The following CFAP410 variants were observed in gnomAD, a reference collection of about 807,000 sequenced individuals.
CFAP410 encodes the protein cilia and flagella associated protein 410.
In CFAP410, 27 loss-of-function variants were observed where a neutral mutation model predicts 25.7. The ratio of observed to expected loss-of-function variants is 1.05; its 90% CI spans 0.77 to 1.45. The LOEUF is 1.45. CFAP410 is among the 40% of genes most tolerant of loss of function. CFAP410 has a pLI of 0.00. For missense variants in CFAP410, 428 were observed against 354.1 expected (o/e 1.21, Z -1.67); for synonymous variants, 178 against 158.4 (o/e 1.12, Z -0.93).
Position 44,333,016 on chromosome 21 carries a change from C to G in CFAP410, c.373+17G>C. On this transcript the variant is annotated intron_variant, in intron 4 of 6. Transcript: ENST00000339818. ...GATTGTTTTGGGAGGGCCGGTGACT[C>G]CGCTGCGGCCACCTACCCTGGTTGT... 1 of 1,539,146 alleles carries G rather than the reference C, an allele frequency of 6.5e-7. No homozygotes were observed.
In CFAP410 at chr21:44,329,388, T is replaced by C. The variant is rs1199094984; in HGVS notation, c.*810A>G. The C allele has an allele frequency of 1.3e-5, 2 of 152,104 alleles. No individual in the cohort carries two copies. The highest frequency in any genetic ancestry group is 4.8e-5 in the African/African-American group (2 of 41,386). 9.4% of individuals were successfully genotyped at this position (152,104 alleles called of 1,614,324 possible). ...CCATCTCACGTGAATGCTTCCTTGG[T>C]TTTGGGGGGCACTAGGAAGGTCCCC... On this transcript the variant is annotated 3_prime_UTR_variant, in exon 7 of 7. Transcript: ENST00000339818.
chr21:44,335,545 C>A, intron 3 of CFAP410: 1 of 596,326 alleles, frequency 1.7e-6, no homozygotes, highest in Non-Finnish European at 3.0e-6. Flanking sequence ...CATCAGGAGG[C>A]CCAGGTGAGG....
chr21:44,333,088 G>A lies in CFAP410; in HGVS notation c.318C>T (p.Arg106=). 6.2e-7 allele frequency: 1 copy of A among 1,609,852 alleles called. No individual in the cohort carries two copies. Among genetic ancestry groups the A allele is most frequent in the Non-Finnish European group, 8.5e-7 (1 of 1,178,526 alleles). Residue 106 remains arginine (R), a synonymous_variant, in exon 4 of 7, where the codon CGC becomes CGT. Transcript: ENST00000339818. The part of the protein sequence containing the change: ...ENPCCGTSPH[R]YRMTVLRTLP... ...GGGTGCGCAGCACGGTCATGCGGTA[G>A]CGGTGGGGGCTGGTGCCGCAGCACG... is the stretch of plus-strand genomic sequence containing the variant.
Position 44,337,748 on chromosome 21 carries a change from G to A in CFAP410, c.78-81C>T, listed in dbSNP as rs56242109. 263,073 of 1,160,832 alleles carry A rather than the reference G, an allele frequency of 0.23. 31,094 individuals are homozygous for A. The highest frequency in any genetic ancestry group is 0.36 in the South Asian group (28,451 of 78,346). The allele number at this position is 1,160,832 out of a possible 1,614,324, so 71.9% of individuals were successfully genotyped here. On this transcript the variant is annotated intron_variant, in intron 1 of 6. Transcript: ENST00000339818. ...GAAGACAAAAATTCCAAAAATCACC[G>A]ATGACTCCCTACAAACCTTAAGATT...
At chr21:44,335,588 C>T (rs1436815346) in intron 3 of CFAP410, 170 bp downstream of exon 3, 1 of 618,682 alleles carries the variant, frequency 1.6e-6, no homozygotes, top group East Asian at 2.8e-5. Flanking sequence ...ATGGGGGCCA[C>T]AGGGTAGGCC....
At chr21:44,331,276 C>T in intron 5 of CFAP410, 1 of 364,102 alleles carries the variant, frequency 2.7e-6, no homozygotes, top group South Asian at 4.4e-5. Flanking sequence ...TGGCAGATGC[C>T]TAACAGAGAT....
intron 2 of CFAP410, 101 bp downstream of exon 2, chr21:44,337,548 T>G: frequency 9.4e-7 from 1 of 1,063,608 alleles, no homozygotes; most frequent in Non-Finnish European, 1.4e-6. Context: ...GGTGCAGTTT[T>G]GTCAACTTAA....
chr21:44,339,155 C>T lies in CFAP410; in HGVS notation c.40G>A (p.Ala14Thr). The change falls in exon 1 of 7, where the codon GCC becomes ACC. Residue 14 changes from alanine to threonine, a missense_variant. Physicochemically the swap from Ala to Thr is moderately conservative, Grantham distance 58. Coordinates refer to ENST00000339818, the MANE Select transcript of CFAP410 (RefSeq NM_004928.3). ...TTGCGCACGCTGTGCAGCTCCGAGG[C>T]CTTGGCCCGGGTCAGAACCATCTTC... The part of the protein sequence containing the change: ...TRKMVLTRAK[A>T]SELHSVRKLN... 7 of 1,474,702 alleles carry T rather than the reference C, an allele frequency of 4.7e-6. No homozygotes were observed. Among genetic ancestry groups the T allele is most frequent in the Non-Finnish European group, 6.3e-6 (7 of 1,109,454 alleles). 91.4% of individuals were successfully genotyped at this position (1,474,702 alleles called of 1,614,324 possible). A position where few individuals can be genotyped will look rare whatever the true frequency, so the allele number is the denominator to read the frequency against.
At chr21:44,339,095 G>A (rs1160346261) in intron 1 of CFAP410, 23 bp downstream of exon 1, 4 of 1,379,440 alleles carry the variant, frequency 2.9e-6, no homozygotes, top group Non-Finnish European at 1.9e-6. Flanking sequence ...CCCCGGGGCG[G>A]CCGCGGCCAG....
Position 44,330,815 on chromosome 21 carries a change from C to T in CFAP410, c.642+8G>A. The T allele has an allele frequency of 6.3e-7, 1 of 1,591,836 alleles. No individual in the cohort carries two copies. Among genetic ancestry groups the T allele is most frequent in the Non-Finnish European group, 8.5e-7 (1 of 1,169,902 alleles). On this transcript the variant is annotated splice_region_variant and intron_variant, in intron 6 of 6. Transcript: ENST00000339818. ...GGCAGCCGCGGCCCCTAGCGGCCCG[C>T]CACTCACCCTGCCCCTGTGGCTGCT...
In CFAP410 at chr21:44,339,224, C is replaced by T; in HGVS notation, c.-30G>A. On this transcript the variant is annotated 5_prime_UTR_variant, in exon 1 of 7. Coordinates refer to ENST00000339818, the MANE Select transcript of CFAP410 (RefSeq NM_004928.3). ...GCCGCCCAGGCCCGACCGGCGGGCG[C>T]CCCCGGCCTCCTGATCCCGGGCGGG... 5.8e-6 allele frequency: 8 copies of T among 1,372,586 alleles called. No individual in the cohort carries two copies. The highest frequency in any genetic ancestry group is 3.4e-5 in the Admixed American group (1 of 29,510). 85.0% of individuals were successfully genotyped at this position (1,372,586 alleles called of 1,614,324 possible).
At chr21:44,337,520 T>C (rs1290069529) in intron 2 of CFAP410, 129 bp downstream of exon 2, 3 of 725,254 alleles carry the variant, frequency 4.1e-6, no homozygotes, top group Non-Finnish European at 7.1e-6. Context: ...AAGTACCAAG[T>C]GTGGGACTGA....
intron 1 of CFAP410, 38 bp downstream of exon 1, chr21:44,339,080 C>A: frequency 7.4e-7 from 1 of 1,342,998 alleles, no homozygotes; most frequent in South Asian, 1.6e-5. Context: ...CGGCTCCTCC[C>A]CCCACCCCGG....
intron 4 of CFAP410, chr21:44,332,797 G>A (rs1165553385): frequency 1.8e-5 from 10 of 556,170 alleles, no homozygotes; most frequent in Non-Finnish European, 3.2e-5. Flanking sequence ...GTCGTTGGGG[G>A]ATACCCAAAC....
chr21:44,339,134 G>C lies in CFAP410; in HGVS notation c.61C>G (p.Arg21Gly). ...RAKASELHSV[R>G]KLNCWGSRLT... ...CCGCCTCACCAGCAGTTGAGCTTGC[G>C]CACGCTGTGCAGCTCCGAGGCCTTG... The change falls in exon 1 of 7, where the codon CGC (arginine) becomes GGC (glycine). Residue 21 changes from arginine to glycine, a missense_variant. Arg to Gly is a moderately radical substitution (Grantham distance 125). Coordinates refer to ENST00000339818, the MANE Select transcript of CFAP410 (RefSeq NM_004928.3). 6.8e-7 allele frequency: 1 copy of C among 1,459,996 alleles called. No individual in the cohort carries two copies. 90.4% of individuals were successfully genotyped at this position (1,459,996 alleles called of 1,614,324 possible). A position where few individuals can be genotyped will look rare whatever the true frequency, so the allele number is the denominator to read the frequency against.
Position 44,329,802 on chromosome 21 carries a change from C to T in CFAP410, c.*396G>A, listed in dbSNP as rs999369920. The T allele has an allele frequency of 1.2e-4, 23 of 191,456 alleles. No homozygotes were observed. The highest frequency in any genetic ancestry group is 1.1e-3 in the Admixed American group (18 of 17,066). 11.9% of individuals were successfully genotyped at this position (191,456 alleles called of 1,614,324 possible). The stretch of plus-strand genomic sequence containing the variant: ...AAGGGCTGGAATCGGCAAAGCCATC[C>T]GTGAAGACCTCCTCATTCTGTGGAG... On this transcript the variant is annotated 3_prime_UTR_variant, in exon 7 of 7. Coordinates refer to ENST00000339818, the MANE Select transcript of CFAP410 (RefSeq NM_004928.3).
chr21:44,330,722 C>T lies in CFAP410; in HGVS notation c.642+101G>A, dbSNP rs775786500. 13 of 1,549,282 alleles carry T rather than the reference C, an allele frequency of 8.4e-6. No homozygotes were observed. The African/African-American group carries it at 1.8e-4, about 21-fold the overall frequency. ...GCCCTGTGAGGCTCCATGCTCCCTC[C>T]CCACGGGGCCCTGTGAGGCTCCATG... On this transcript the variant is annotated intron_variant, in intron 6 of 6. Coordinates refer to ENST00000339818, the MANE Select transcript of CFAP410 (RefSeq NM_004928.3).
At chr21:44,333,546 A>C in intron 3 of CFAP410, 1 of 532,842 alleles carries the variant, frequency 1.9e-6, no homozygotes, top group South Asian at 2.8e-5. Flanking sequence ...AGAGTGCGGG[A>C]GGTGGGGGAT....
intron 2 of CFAP410, 151 bp from the exon 3 acceptor site, chr21:44,335,955 A>G (rs933277518): frequency 1.3e-4 from 82 of 635,496 alleles, no homozygotes; most frequent in South Asian, 4.0e-4. Flanking sequence ...CCCAGGGTGA[A>G]TGCCCAGGGC....
Sources: allele counts gnomAD v4.1 joint callset, GRCh38; gene constraint gnomAD v4.1.1; transcripts MANE v1.5; gene names NCBI Gene and HGNC (gene_info 2026-07-23, HGNC 2026-07-21).